PCDHGA1: variants seen among roughly 807,000 people sequenced by gnomAD.
PCDHGA1 encodes the protein protocadherin gamma subfamily A, 1, also known as protocadherin gamma-A1.
In PCDHGA1, 32 loss-of-function variants were observed where a neutral mutation model predicts 58.0. That is an observed-to-expected ratio of 0.55 (90% CI 0.42 to 0.74). PCDHGA1 has a LOEUF of 0.74. PCDHGA1 is among the 30% of genes least tolerant of loss of function. The pLI, the probability that PCDHGA1 is intolerant of heterozygous loss-of-function variation, is 0.00. For missense variants in PCDHGA1, 1,205 were observed against 1,182.3 expected (o/e 1.02, Z -0.28); for synonymous variants, 498 against 501.1 (o/e 0.99, Z 0.08).
chr5:141,492,042 A>T, intron 1 of PCDHGA1: 1 of 519,520 alleles, frequency 1.9e-6, no homozygotes, highest in Non-Finnish European at 3.4e-6. Context: ...GCAGTCACAG[A>T]TCCACCCCTG....
At chr5:141,379,424 G>T (rs1775590923) in intron 1 of PCDHGA1, 1 of 152,218 alleles carries the variant, frequency 6.6e-6, no homozygotes, top group East Asian at 1.9e-4. Flanking sequence ...TCATGAGTTA[G>T]ATGGGCTGTT....
chr5:141,395,317 A>G, intron 1 of PCDHGA1: 1 of 1,488,840 alleles, frequency 6.7e-7, no homozygotes, highest in Non-Finnish European at 9.0e-7. Flanking sequence ...AACATTGTGA[A>G]GATAGTTGAA....
chr5:141,459,300 A>T (rs954766370), intron 1 of PCDHGA1, among the ~76,000 whole-genome samples: 1 of 152,202 alleles, frequency 6.6e-6, no homozygotes, highest in Non-Finnish European at 1.5e-5. Flanking sequence ...ATCCTATAAC[A>T]TATACTATTT....
intron 1 of PCDHGA1, chr5:141,388,903 A>T: frequency 6.2e-7 from 1 of 1,614,010 alleles, no homozygotes; most frequent in Non-Finnish European, 8.5e-7. Flanking sequence ...GATGAAAATG[A>T]CAACGCCCCA....
chr5:141,415,533 G>A (rs749139053), intron 1 of PCDHGA1: 11 of 1,614,198 alleles, frequency 6.8e-6, no homozygotes, highest in Non-Finnish European at 6.8e-6. Flanking sequence ...TCATCAGCCA[G>A]GAGAGCTGTG....
chr5:141,455,593 C>G (rs957677108), intron 1 of PCDHGA1, among the ~76,000 whole-genome samples: 19 of 152,068 alleles, frequency 1.2e-4, no homozygotes, highest in African/African-American at 4.6e-4. Context: ...AATATGCAAA[C>G]GTAGGGCGCC....
intron 1 of PCDHGA1, chr5:141,427,497 G>C (rs775492626): frequency 1.6e-5 from 9 of 568,020 alleles, no homozygotes; most frequent in African/African-American, 3.7e-5. Flanking sequence ...GCTTGTAACA[G>C]ATGGGACCCT....
chr5:141,444,008 A>G (rs2098413646), intron 1 of PCDHGA1, among the ~76,000 whole-genome samples: 2 of 152,140 alleles, frequency 1.3e-5, no homozygotes, highest in Non-Finnish European at 2.9e-5. Context: ...CTACCTGGGT[A>G]TTGGCTTCTA....
chr5:141,399,278 G>A (rs1373250809), intron 1 of PCDHGA1: 2 of 1,613,792 alleles, frequency 1.2e-6, no homozygotes, highest in African/African-American at 1.3e-5. Context: ...CAATTACAAG[G>A]CGAAGTCCCT....
chr5:141,417,751 C>T, intron 1 of PCDHGA1: 1 of 1,427,514 alleles, frequency 7.0e-7, no homozygotes, highest in Non-Finnish European at 9.2e-7. Flanking sequence ...AGATTGCCAG[C>T]TCCGAGACCC....
intron 1 of PCDHGA1, among the ~76,000 whole-genome samples, chr5:141,336,944 C>T (rs1756646115): frequency 1.3e-5 from 2 of 152,216 alleles, no homozygotes; most frequent in South Asian, 2.1e-4. Context: ...GAATCCCAAA[C>T]AATTGGATGT....
chr5:141,400,058 ATGG>A (rs2093953327), intron 1 of PCDHGA1: 1 of 1,613,570 alleles, frequency 6.2e-7, no homozygotes, highest in Admixed American at 1.7e-5. Flanking sequence ...GCTGTGCGTG[ATGG>A]TGGACAGCCG....
At chr5:141,358,241 T>C (rs868124614) in intron 1 of PCDHGA1, among the ~76,000 whole-genome samples, 7 of 152,318 alleles carry the variant, frequency 4.6e-5, no homozygotes, top group South Asian at 2.1e-4. Context: ...CCTTTTCTCT[T>C]AGGTGTTCCT....
In PCDHGA1 at chr5:141,409,316, C is replaced by T. The variant is rs114361948; in HGVS notation, c.2421+76211C>T. 56 of 1,613,968 alleles carry T rather than the reference C, an allele frequency of 3.5e-5. No individual in the cohort carries two copies. The African/African-American group carries it at 6.5e-4, about 19-fold the overall frequency. On this transcript the variant is annotated intron_variant, in intron 1 of 3. Transcript: ENST00000517417. ...AATGGTTGTTGCCCTCTTCAAAACA[C>T]GGGATCTGGATTTCGGAGGAAATGG...
At position 141,418,815 on chromosome 5, in the gene PCDHGA1, T is replaced by C. The variant is rs368396202; in HGVS notation, c.2422-75992T>C. The stretch of plus-strand genomic sequence containing the variant: ...GAAGTAGAAAGATATACGATAAACA[T>C]AGAAGCAAAAGACCGAGGATCTCTC... On this transcript the variant is annotated intron_variant, in intron 1 of 3. Transcript: ENST00000517417. 509 of 1,613,744 alleles carry C rather than the reference T, an allele frequency of 3.2e-4. No homozygotes were observed. The highest frequency in any genetic ancestry group is 4.1e-4 in the Non-Finnish European group (488 of 1,179,804).
At position 141,476,565 on chromosome 5, in the gene PCDHGA1, C is replaced by A; in HGVS notation, c.2422-18242C>A. 1 of 1,614,184 alleles carries A rather than the reference C, an allele frequency of 6.2e-7. No homozygotes were observed. ...TTGGAGATTAGCGAGGCCGTGGCTC[C>A]GGGGACGCGCTTTCCGCTCGAGAGC... On this transcript the variant is annotated intron_variant, in intron 1 of 3. Coordinates refer to ENST00000517417, the MANE Select transcript of PCDHGA1 (RefSeq NM_018912.3). The surrounding 1 kb of genome is among the most constrained non-coding windows in gnomAD (Gnocchi z 7.6).
Position 141,491,954 on chromosome 5 carries a change from C to A in PCDHGA1, c.2422-2853C>A. ...TGGGACCGACCCCCACCCCTACACT[C>A]AAAAAAGGCCGGGGCCTCCTTCGAG... On this transcript the variant is annotated intron_variant, in intron 1 of 3. Transcript: ENST00000517417. This position sits in a 1 kb window ranked among gnomAD's most constrained non-coding sequence, Gnocchi z 6.9. The A allele has an allele frequency of 9.7e-7, 1 of 1,032,914 alleles. No individual in the cohort carries two copies. Among genetic ancestry groups the A allele is most frequent in the Non-Finnish European group, 1.3e-6 (1 of 747,256 alleles). The allele number at this position is 1,032,914 out of a possible 1,614,324, so 64.0% of individuals were successfully genotyped here.
In PCDHGA1 at chr5:141,419,702, G is replaced by A. The variant is rs116279995; in HGVS notation, c.2422-75105G>A. 1.9e-3 allele frequency: 3,028 copies of A among 1,612,950 alleles called. 48 individuals are homozygous for A. In the African/African-American group the frequency reaches 0.033, roughly 18 times the overall value. The stretch of plus-strand genomic sequence containing the variant: ...CCACGTGGTGCAGGCCAGTGAGCCC[G>A]GGCTCTTCAGCCTGGGGCTGCGAAC... On this transcript the variant is annotated intron_variant, in intron 1 of 3. Transcript: ENST00000517417.
chr5:141,378,973 A>G (rs1775276722), intron 1 of PCDHGA1: 1 of 152,222 alleles, frequency 6.6e-6, no homozygotes, highest in South Asian at 2.1e-4. Context: ...TAATTTGATG[A>G]CTTGTTGAAC....
Sources: gnomAD v4.1 joint callset for allele counts (sites outside exome capture counted in the v4.1 genomes callset) on GRCh38, gnomAD v4.1.1 for gene constraint, Gnocchi (gnomAD v3.1) non-coding constraint, MANE v1.5 for transcripts, NCBI Gene and HGNC (gene_info 2026-07-23, HGNC 2026-07-21) for gene names.